Variants in SMAD2 observed in about 807,000 individuals in gnomAD.
SMAD2 encodes SMAD family member 2.
In SMAD2, 8 loss-of-function variants were observed where a neutral mutation model predicts 64.4. The observed-to-expected ratio is 0.12, with a 90% CI of 0.07 to 0.22. SMAD2 has a LOEUF of 0.22. Ranked by LOEUF, SMAD2 falls within the 10% of genes least tolerant of loss-of-function variation. SMAD2 has a pLI of 1.00. For missense variants in SMAD2, 289 were observed against 561.2 expected (o/e 0.51, Z 4.90); for synonymous variants, 203 against 195.8 (o/e 1.04, Z -0.31).
At chr18:47,923,361 A>G (rs1323661670) in intron 1 of SMAD2, among the ~76,000 whole-genome samples, 1 of 152,216 alleles carries the variant, frequency 6.6e-6, no homozygotes, top group Non-Finnish European at 1.5e-5. Flanking sequence ...ATAAAAGCTC[A>G]ATTAAAGCAA....
At chr18:47,877,769 T>C (rs1344038653) in intron 2 of SMAD2, among the ~76,000 whole-genome samples, 1 of 152,176 alleles carries the variant, frequency 6.6e-6, no homozygotes, top group African/African-American at 2.4e-5. Flanking sequence ...TTTAAGTTGC[T>C]GCATTACAGA....
At chr18:47,842,970 G>A (rs1162593196) in intron 10 of SMAD2, among the ~76,000 whole-genome samples, 1 of 152,130 alleles carries the variant, frequency 6.6e-6, no homozygotes, top group Non-Finnish European at 1.5e-5. Context: ...CTTCAAATAT[G>A]AGAAAAGCCC....
chr18:47,835,972 C>T lies in SMAD2; in HGVS notation c.*5855G>A, dbSNP rs1258356220. Reference sequence around the variant, plus strand: ...TAATACACCTTCTGACCCCCATCATCAGTGGCATTATTCTTCCAAGGGACT... The same window carrying T: ...TAATACACCTTCTGACCCCCATCATTAGTGGCATTATTCTTCCAAGGGACT... On this transcript the variant is annotated 3_prime_UTR_variant, in exon 11 of 11. Transcript: ENST00000262160. The T allele has an allele frequency of 9.4e-6, 2 of 211,666 alleles. No homozygotes were observed. The highest frequency in any genetic ancestry group is 1.9e-5 in the Non-Finnish European group (2 of 104,582). 13.1% of individuals were successfully genotyped at this position (211,666 alleles called of 1,614,324 possible).
intron 7 of SMAD2, among the ~76,000 whole-genome samples, chr18:47,850,347 ATTAT>A (rs1377215831): frequency 2.3e-5 from 1 of 43,162 alleles, no homozygotes; most frequent in African/African-American, 1.1e-4. Flanking sequence ...TGTTATATAT[ATTAT>A]ACATAATATG....
rs1912350613 is a variant in SMAD2 at position 47,815,914 on chromosome 18, G to A, written c.*25913C>T. 6.6e-6 allele frequency: 1 copy of A among 152,204 alleles called. No individual in the cohort carries two copies. The highest frequency in any genetic ancestry group is 2.4e-5 in the African/African-American group (1 of 41,442). 9.4% of individuals were successfully genotyped at this position (152,204 alleles called of 1,614,324 possible). Reference sequence around the variant, plus strand: ...ATAATTGACCTATGTATGAGTTCTAGAGAAGCCTTGCAGACTTACCCAGGG... The same window carrying A: ...ATAATTGACCTATGTATGAGTTCTAAAGAAGCCTTGCAGACTTACCCAGGG... On this transcript the variant is annotated 3_prime_UTR_variant, in exon 11 of 11. Coordinates refer to ENST00000262160, the MANE Select transcript of SMAD2 (RefSeq NM_005901.6).
chr18:47,857,878 A>G (rs971057987), intron 6 of SMAD2, among the ~76,000 whole-genome samples: 1 of 152,232 alleles, frequency 6.6e-6, no homozygotes, highest in African/African-American at 2.4e-5. Flanking sequence ...CTGGAAAGAA[A>G]TAAGAATATG....
intron 2 of SMAD2, among the ~76,000 whole-genome samples, chr18:47,877,876 AATC>A (rs2032359174): frequency 6.6e-6 from 1 of 152,222 alleles, no homozygotes; most frequent in African/African-American, 2.4e-5. Flanking sequence ...AAAAAGGTTG[AATC>A]ATCAACAATA....
In SMAD2 at chr18:47,841,145, T is replaced by TA. The variant is rs1158092324; in HGVS notation, c.*681dup. ...TTTCCTTATAATAAGATTTAGCAGT[T>TA]AAAAAAAAAAACAAAAAAAAACAAA... On this transcript the variant is annotated 3_prime_UTR_variant, in exon 11 of 11. Transcript: ENST00000262160. 0.037 allele frequency: 6,537 copies of TA among 174,770 alleles called. 129 individuals carry two copies. The highest frequency in any genetic ancestry group is 0.11 in the African/African-American group (3,828 of 36,236). 10.8% of individuals were successfully genotyped at this position (174,770 alleles called of 1,614,324 possible).
Position 47,816,279 on chromosome 18 carries a change from AG to A in SMAD2, c.*25547del, listed in dbSNP as rs1279447221. The A allele has an allele frequency of 1.3e-5, 2 of 152,220 alleles. No individual in the cohort carries two copies. The highest frequency in any genetic ancestry group is 2.9e-5 in the Non-Finnish European group (2 of 68,040). 9.4% of individuals were successfully genotyped at this position (152,220 alleles called of 1,614,324 possible). A position where few individuals can be genotyped will look rare whatever the true frequency, so the allele number is the denominator to read the frequency against. The stretch of plus-strand genomic sequence containing the variant: ...AGAAGTTTTAGGTCTTATGAAAAAA[AG>A]ATTTTTATAAATTATACACAATTGG... On this transcript the variant is annotated 3_prime_UTR_variant, in exon 11 of 11. Coordinates refer to ENST00000262160, the MANE Select transcript of SMAD2 (RefSeq NM_005901.6).
intron 1 of SMAD2, among the ~76,000 whole-genome samples, chr18:47,904,372 G>T (rs1006550911): frequency 6.6e-6 from 1 of 151,622 alleles, no homozygotes. Context: ...TGAGTTGGGG[G>T]ATTTGTGGAG....
At chr18:47,893,694 T>C (rs773052146) in intron 2 of SMAD2, among the ~76,000 whole-genome samples, 29 of 152,230 alleles carry the variant, frequency 1.9e-4, no homozygotes, top group Non-Finnish European at 3.7e-4. Flanking sequence ...TAAGAATATT[T>C]AGTTGTTAAG....
intron 1 of SMAD2, among the ~76,000 whole-genome samples, chr18:47,909,984 TAG>T (rs1395636471): frequency 6.6e-6 from 1 of 152,044 alleles, no homozygotes; most frequent in Non-Finnish European, 1.5e-5. Context: ...AGAACTCTGA[TAG>T]AGTGTCATCA....
At chr18:47,920,896 T>C (rs2034533428) in intron 1 of SMAD2, among the ~76,000 whole-genome samples, 1 of 152,224 alleles carries the variant, frequency 6.6e-6, no homozygotes, top group South Asian at 2.1e-4. Flanking sequence ...GGCTTACGCC[T>C]GTAATCCCAA....
rs1366036104 is a variant in SMAD2, at chr18:47,832,475, G to C, written c.*9352C>G. The C allele has an allele frequency of 6.6e-6, 1 of 152,192 alleles. No individual in the cohort carries two copies. The highest frequency in any genetic ancestry group is 1.5e-5 in the Non-Finnish European group (1 of 68,040). 9.4% of individuals were successfully genotyped at this position (152,192 alleles called of 1,614,324 possible). A position where few individuals can be genotyped will look rare whatever the true frequency, so the allele number is the denominator to read the frequency against. On this transcript the variant is annotated 3_prime_UTR_variant, in exon 11 of 11. Coordinates refer to ENST00000262160, the MANE Select transcript of SMAD2 (RefSeq NM_005901.6). ...AGGCTATTCAATGCCACGTAAAATA[G>C]TGTATTTTAGCATTTGAGGTCCCTT...
chr18:47,848,159 G>A (rs888149259), intron 8 of SMAD2, among the ~76,000 whole-genome samples: 3 of 151,912 alleles, frequency 2.0e-5, no homozygotes, highest in Admixed American at 6.6e-5. Context: ...TTATAAAAAA[G>A]TATTAACCCC....
At chr18:47,919,016 A>T (rs112302878) in intron 1 of SMAD2, among the ~76,000 whole-genome samples, 109 of 152,250 alleles carry the variant, frequency 7.2e-4, no homozygotes, top group African/African-American at 2.3e-3. Flanking sequence ...GATGAAAACA[A>T]ACCTACATGA....
chr18:47,858,125 T>C (rs2030875381), intron 6 of SMAD2, among the ~76,000 whole-genome samples: 1 of 151,664 alleles, frequency 6.6e-6, no homozygotes, highest in Admixed American at 6.6e-5. Flanking sequence ...CACTATCCAA[T>C]TAAAAAACAA....
chr18:47,923,055 AT>A (rs11290334), intron 1 of SMAD2, among the ~76,000 whole-genome samples: 89,389 of 147,788 alleles, frequency 0.6, 27,241 homozygotes, highest in East Asian at 0.8. Flanking sequence ...GAGACTACTT[AT>A]TTTTTTTTTT....
chr18:47,846,975 C>T (rs539957812), intron 8 of SMAD2, among the ~76,000 whole-genome samples: 1 of 152,144 alleles, frequency 6.6e-6, no homozygotes, highest in African/African-American at 2.4e-5. Context: ...CAGTCATGCA[C>T]GTGGTCATTG....
Sources: allele counts gnomAD v4.1 joint callset (sites outside exome capture counted in the v4.1 genomes callset), GRCh38; gene constraint gnomAD v4.1.1; transcripts MANE v1.5; gene names NCBI Gene and HGNC (gene_info 2026-07-23, HGNC 2026-07-21).